The following KLF12 variants were observed in gnomAD, a reference collection of about 807,000 sequenced individuals.
KLF12 encodes Krueppel-like factor 12.
Under a neutral mutation model 37.8 loss-of-function variants are expected in KLF12, and 9 were observed. That is an observed-to-expected ratio of 0.24 (90% CI 0.14 to 0.42). KLF12 has a LOEUF of 0.42. KLF12 is among the 10% of genes least tolerant of loss of function. KLF12 has a pLI of 1.00. For synonymous variants in KLF12, 208 were observed against 202.1 expected (o/e 1.03, Z -0.25); for missense variants, 411 against 516.0 (o/e 0.80, Z 1.97).
chr13:74,243,764 G>A, the KLF12 span, among the ~76,000 whole-genome samples: 1 of 152,092 alleles, frequency 6.6e-6, no homozygotes. Context: ...CTTTAAGGAG[G>A]TATCATTTGT....
chr13:74,155,352 C>CTTTGT, the KLF12 span, among the ~76,000 whole-genome samples: 5 of 143,830 alleles, frequency 3.5e-5, no homozygotes, highest in African/African-American at 1.3e-4. Flanking sequence ...CTTTTCTTTC[C>CTTTGT]TTTTGTTTTT....
chr13:73,757,177 C>T (rs534065710), intron 6 of KLF12, among the ~76,000 whole-genome samples: 27 of 152,196 alleles, frequency 1.8e-4, no homozygotes, highest in Non-Finnish European at 3.5e-4. Context: ...AGGGACTAAA[C>T]TAAATGAATA....
the KLF12 span, among the ~76,000 whole-genome samples, chr13:74,294,932 G>A: frequency 3.3e-5 from 5 of 151,988 alleles, no homozygotes. Flanking sequence ...AAATTGTTTT[G>A]ATGAGCTCCT....
the KLF12 span, among the ~76,000 whole-genome samples, chr13:74,266,344 C>A: frequency 6.6e-6 from 1 of 152,106 alleles, no homozygotes; most frequent in Admixed American, 6.6e-5. Flanking sequence ...GGACTAAATA[C>A]CTGGCATTAT....
intron 2 of KLF12, among the ~76,000 whole-genome samples, chr13:73,965,938 A>G (rs1891160548): frequency 6.6e-6 from 1 of 152,242 alleles, no homozygotes; most frequent in African/African-American, 2.4e-5. Context: ...GCGGGGCTGT[A>G]AACTGCAGGG....
intron 6 of KLF12, among the ~76,000 whole-genome samples, chr13:73,762,688 T>C (rs1566350341): frequency 2.0e-5 from 3 of 152,140 alleles, no homozygotes; most frequent in Non-Finnish European, 4.4e-5. Context: ...AATTACCCAG[T>C]TGATAGATGG....
intron 5 of KLF12, among the ~76,000 whole-genome samples, chr13:73,811,178 G>T (rs1882923591): frequency 6.6e-6 from 1 of 151,410 alleles, no homozygotes; most frequent in Non-Finnish European, 1.5e-5. Context: ...TAGAGATGGG[G>T]TTTCACTATG....
At chr13:73,874,955 T>C (rs1005113833) in intron 3 of KLF12, among the ~76,000 whole-genome samples, 1 of 152,120 alleles carries the variant, frequency 6.6e-6, no homozygotes, top group Non-Finnish European at 1.5e-5. Flanking sequence ...ATATTTTAAA[T>C]AGGTATTTTA....
At chr13:73,990,952 C>T (rs763389370) in intron 2 of KLF12, among the ~76,000 whole-genome samples, 10 of 152,070 alleles carry the variant, frequency 6.6e-5, no homozygotes, top group East Asian at 1.9e-4. Context: ...ATATGAGGCA[C>T]GGAGATGATG....
At chr13:74,151,929 C>T in the KLF12 span, among the ~76,000 whole-genome samples, 3 of 152,114 alleles carry the variant, frequency 2.0e-5, no homozygotes, top group South Asian at 6.2e-4. Context: ...AAAAAATGCA[C>T]GTTGAAAAGA....
chr13:74,055,887 T>C (rs137867132), intron 1 of KLF12, among the ~76,000 whole-genome samples: 117 of 152,168 alleles, frequency 7.7e-4, no homozygotes, highest in African/African-American at 2.6e-3. Flanking sequence ...TGGATAATGA[T>C]ATCAAAACAA....
chr13:74,206,154 G>T, the KLF12 span, among the ~76,000 whole-genome samples: 1 of 152,038 alleles, frequency 6.6e-6, no homozygotes, highest in African/African-American at 2.4e-5. Flanking sequence ...TGTCAAGAAA[G>T]AATGACTCAT....
rs1419904846 is a variant in KLF12 at position 73,691,657 on chromosome 13, C to T, written c.*3833G>A. The stretch of plus-strand genomic sequence containing the variant: ...AGCAGTCATAACAACATAACAAAGG[C>T]GTATTAATACATTTTGAAGGCCTCA... On this transcript the variant is annotated 3_prime_UTR_variant, in exon 8 of 8. Coordinates refer to ENST00000377669, the MANE Select transcript of KLF12 (RefSeq NM_007249.5). 2.0e-5 allele frequency: 3 copies of T among 152,550 alleles called. No homozygotes were observed. The highest frequency in any genetic ancestry group is 6.5e-5 in the Admixed American group (1 of 15,274). 9.4% of individuals were successfully genotyped at this position (152,550 alleles called of 1,614,324 possible).
intron 1 of KLF12, among the ~76,000 whole-genome samples, chr13:74,108,560 G>C (rs79773834): frequency 3.3e-5 from 5 of 152,064 alleles, no homozygotes; most frequent in African/African-American, 7.2e-5. Context: ...AAAAATCCAC[G>C]TATATCTTTT....
At chr13:73,720,293 G>A (rs545013794) in intron 6 of KLF12, among the ~76,000 whole-genome samples, 1 of 152,256 alleles carries the variant, frequency 6.6e-6, no homozygotes, top group South Asian at 2.1e-4. Context: ...CCTTTGTTCA[G>A]AAGGCACCTG....
At chr13:73,790,619 C>T (rs1056585696) in intron 5 of KLF12, among the ~76,000 whole-genome samples, 3 of 152,166 alleles carry the variant, frequency 2.0e-5, no homozygotes, top group Admixed American at 1.3e-4. Context: ...TGCAGTGTTG[C>T]GCATGGTCCT....
At chr13:73,745,657 T>C (rs978162514) in intron 6 of KLF12, among the ~76,000 whole-genome samples, 3 of 152,168 alleles carry the variant, frequency 2.0e-5, no homozygotes, top group African/African-American at 4.8e-5. Context: ...ACACTTGTCA[T>C]TGTTCTGCAC....
At chr13:73,813,072 G>C in intron 5 of KLF12, 80 bp downstream of exon 5, 1 of 1,464,242 alleles carries the variant, frequency 6.8e-7, no homozygotes, top group Non-Finnish European at 9.4e-7. Context: ...ACATGGCTGG[G>C]GGACAGGAGA....
chr13:73,962,204 T>C (rs977808788), intron 2 of KLF12, among the ~76,000 whole-genome samples: 4 of 152,116 alleles, frequency 2.6e-5, no homozygotes, highest in African/African-American at 7.2e-5. Context: ...TATTACTGAG[T>C]GAAAAATAAA....
Sources: gnomAD v4.1 joint callset for allele counts (sites outside exome capture counted in the v4.1 genomes callset) on GRCh38, gnomAD v4.1.1 for gene constraint, MANE v1.5 for transcripts, NCBI Gene and HGNC (gene_info 2026-07-23, HGNC 2026-07-21) for gene names.